The following HPS5 variants were observed in gnomAD, a reference collection of about 807,000 sequenced individuals.
HPS5 encodes HPS5 biogenesis of lysosomal organelles complex 2 subunit 2, also known as BLOC-2 complex member HPS5.
In HPS5, 83 loss-of-function variants were observed where a neutral mutation model predicts 128.0. The observed-to-expected ratio is 0.65, with a 90% CI of 0.54 to 0.78. The LOEUF (loss-of-function observed/expected upper bound fraction) is 0.78, where lower values mean the gene tolerates loss of function less well. HPS5 is among the 30% of genes least tolerant of loss of function. HPS5 has a pLI of 0.00. For synonymous variants in HPS5, 475 were observed against 470.2 expected (o/e 1.01, Z -0.13); for missense variants, 1,281 against 1,326.2 (o/e 0.97, Z 0.53).
Position 18,310,953 on chromosome 11 carries a change from G to A in HPS5, c.285-20C>T, listed in dbSNP as rs1194067530. The A allele has an allele frequency of 6.2e-7, 1 of 1,607,318 alleles. No individual in the cohort carries two copies. The highest frequency in any genetic ancestry group is 1.3e-5 in the African/African-American group (1 of 74,902). On this transcript the variant is annotated intron_variant, in intron 4 of 22. Transcript: ENST00000349215. ...CCTTGACTGCAAGAATTGAGTCACA[G>A]AGGCAAACGTGGCAACAGTGAACAA...
chr11:18,287,053 C>T, intron 18 of HPS5: 1 of 520,238 alleles, frequency 1.9e-6, no homozygotes, highest in Non-Finnish European at 3.4e-6. Flanking sequence ...CTGCATCCAG[C>T]CTGGGCAACA....
chr11:18,292,113 A>G, intron 15 of HPS5, 94 bp from the exon 16 acceptor site: 3 of 907,990 alleles, frequency 3.3e-6, no homozygotes, highest in Non-Finnish European at 3.6e-6. Context: ...CCAATGTAAC[A>G]TACTCATCTG....
intron 15 of HPS5, among the ~76,000 whole-genome samples, chr11:18,292,334 T>A (rs1258932721): frequency 4.0e-5 from 6 of 151,766 alleles, no homozygotes; most frequent in Non-Finnish European, 8.8e-5. Context: ...TAGCTGGGAA[T>A]ACAGGTACAT....
chr11:18,291,983 G>T lies in HPS5; in HGVS notation c.1899C>A (p.Ser633=), dbSNP rs139188094. 6.2e-7 allele frequency: 1 copy of T among 1,613,534 alleles called. No individual in the cohort carries two copies. Among genetic ancestry groups the T allele is most frequent in the East Asian group, 2.2e-5 (1 of 44,866 alleles). Residue 633 remains serine, a synonymous_variant, in exon 16 of 23, where the codon TCC becomes TCA. Transcript: ENST00000349215. ...CCTGTAAAACCATTCTCAGAGACTC[G>T]GATTCAAATAAAACCAGAGGGTCCT... is the stretch of plus-strand genomic sequence containing the variant. ...KLQDPLVLFE[S]ESLRMVLQEW...
At position 18,299,458 on chromosome 11, in the gene HPS5, C is replaced by T. The variant is rs560550829; in HGVS notation, c.986-488G>A. Among the ~76,000 whole-genome samples the T allele has an allele frequency of 3.7e-4, 57 of 152,316 alleles. 1 individual carries two copies. Among genetic ancestry groups the T allele is most frequent in the Middle Eastern group, 3.4e-3 (1 of 294 alleles). ...GGACATACTTAAGAAATTTAAGCCA[C>T]AAGAAAGTCACTGTTGATGAGACCA... On this transcript the variant is annotated intron_variant, in intron 9 of 22. Coordinates refer to ENST00000349215, the MANE Select transcript of HPS5 (RefSeq NM_181507.2).
rs1864450584 is a variant in HPS5 at position 18,322,125 on chromosome 11, GA to G, written c.-230del. On this transcript the variant is annotated 5_prime_UTR_variant, in exon 1 of 23. Transcript: ENST00000349215. The stretch of plus-strand genomic sequence containing the variant: ...TCTTGTCTCCCGGCTTAGCGCCGGG[GA>G]ACTCACCGCGCACTAAGAGCGGAAC... 1 of 152,326 alleles carries G rather than the reference GA, an allele frequency of 6.6e-6. No individual in the cohort carries two copies. Among genetic ancestry groups the G allele is most frequent in the Non-Finnish European group, 1.5e-5 (1 of 68,136 alleles). The allele number at this position is 152,326 out of a possible 1,614,324, so 9.4% of individuals were successfully genotyped here.
At chr11:18,299,291 G>A (rs895041675) in intron 9 of HPS5, among the ~76,000 whole-genome samples, 1 of 152,202 alleles carries the variant, frequency 6.6e-6, no homozygotes, top group Non-Finnish European at 1.5e-5. Flanking sequence ...TATAAGGTTC[G>A]AGTGTTACAA....
chr11:18,299,547 A>G (rs1861464243), intron 9 of HPS5, among the ~76,000 whole-genome samples: 1 of 152,202 alleles, frequency 6.6e-6, no homozygotes, highest in South Asian at 2.1e-4. Context: ...AAAGAACCAA[A>G]AAGTCAACAT....
intron 13 of HPS5, among the ~76,000 whole-genome samples, chr11:18,295,610 T>C (rs1860960230): frequency 6.6e-6 from 1 of 152,218 alleles, no homozygotes; most frequent in South Asian, 2.1e-4. Flanking sequence ...CAAAGTCTTC[T>C]CTCTTAAACT....
Position 18,294,306 on chromosome 11 carries a change from C to T in HPS5, c.1784+714G>A, listed in dbSNP as rs1430316611. On this transcript the variant is annotated intron_variant, in intron 14 of 22. Coordinates refer to ENST00000349215, the MANE Select transcript of HPS5 (RefSeq NM_181507.2). ...CTTTATTAGAGAATAAAGTATTATACTCATGTTACATGAGACAATTAGATA... is the reference window on the plus strand; with the variant it reads ...CTTTATTAGAGAATAAAGTATTATATTCATGTTACATGAGACAATTAGATA... 7.2e-5 allele frequency among the ~76,000 whole-genome samples: 11 copies of T among 152,112 alleles called. 1 individual carries two copies. Among genetic ancestry groups the T allele is most frequent in the Non-Finnish European group, 1.0e-4 (7 of 68,028 alleles).
intron 8 of HPS5, 143 bp downstream of exon 8, chr11:18,305,279 T>C: frequency 1.5e-6 from 1 of 646,322 alleles, no homozygotes; most frequent in Non-Finnish European, 2.8e-6. Flanking sequence ...TACAGAACAC[T>C]TCATGTAACA....
chr11:18,290,006 T>C (rs1226193762), intron 16 of HPS5, among the ~76,000 whole-genome samples: 1 of 152,244 alleles, frequency 6.6e-6, no homozygotes, highest in African/African-American at 2.4e-5. Flanking sequence ...ACAGGTTACA[T>C]TTCCCAGTTT....
chr11:18,291,175 G>A (rs1471175263), intron 16 of HPS5, among the ~76,000 whole-genome samples: 3 of 152,070 alleles, frequency 2.0e-5, no homozygotes, highest in Non-Finnish European at 2.9e-5. Flanking sequence ...CCAAGATGGC[G>A]CCACTGCACT....
intron 18 of HPS5, 25 bp from the exon 19 acceptor site, chr11:18,286,735 T>G: frequency 1.9e-6 from 3 of 1,613,010 alleles, no homozygotes; most frequent in Non-Finnish European, 2.5e-6. Flanking sequence ...GGGAAAAAAG[T>G]CACCAATCTT....
intron 2 of HPS5, among the ~76,000 whole-genome samples, chr11:18,315,567 C>T (rs1434671446): frequency 3.3e-5 from 5 of 151,402 alleles, no homozygotes; most frequent in East Asian, 1.9e-4. Context: ...AAGCCAAGAT[C>T]GTGCCACTGC....
At chr11:18,293,009 A>AC (rs1299268282) in intron 14 of HPS5, 33 bp from the exon 15 acceptor site, 2 of 1,560,792 alleles carry the variant, frequency 1.3e-6, no homozygotes, top group Admixed American at 3.4e-5. Flanking sequence ...AATAACATTC[A>AC]CAAGAGTTAG....
In HPS5 at chr11:18,312,016, G is replaced by T. The variant is rs1043297150; in HGVS notation, c.117C>A (p.Ser39Arg). 6.2e-7 allele frequency: 1 copy of T among 1,612,304 alleles called. No homozygotes were observed. Among genetic ancestry groups the T allele is most frequent in the African/African-American group, 1.3e-5 (1 of 74,968 alleles). ...RLDSSRLKCT[S>R]IAVSRKWLAL... Reference sequence around the variant, plus strand: ...CCAACCATTTCCGAGACACAGCTATGCTCGTGCACTAAAAACATGTGAAGA... The same window carrying T: ...CCAACCATTTCCGAGACACAGCTATTCTCGTGCACTAAAAACATGTGAAGA... Residue 39 changes from serine (S) to arginine (R), a missense_variant, in exon 3 of 23, where the codon AGC becomes AGA. Ser to Arg is a moderately radical substitution (Grantham distance 110, BLOSUM62 -1). Transcript: ENST00000349215.
chr11:18,279,754 G>A lies in HPS5; in HGVS notation c.*128C>T. 1.2e-6 allele frequency: 1 copy of A among 854,754 alleles called. No individual in the cohort carries two copies. The highest frequency in any genetic ancestry group is 2.0e-6 in the Non-Finnish European group (1 of 510,562). The allele number at this position is 854,754 out of a possible 1,614,324, so 52.9% of individuals were successfully genotyped here. A position where few individuals can be genotyped will look rare whatever the true frequency, so the allele number is the denominator to read the frequency against. ...GCCAAGGGTACAGACACTGACAAAAGTAGCCCCAATAAGATGGCAGGATTT... is the reference window on the plus strand; with the variant it reads ...GCCAAGGGTACAGACACTGACAAAAATAGCCCCAATAAGATGGCAGGATTT... On this transcript the variant is annotated 3_prime_UTR_variant, in exon 23 of 23. Transcript: ENST00000349215.
At chr11:18,306,018 C>G in intron 7 of HPS5, 117 bp downstream of exon 7, 2 of 820,260 alleles carry the variant, frequency 2.4e-6, no homozygotes, top group Non-Finnish European at 4.1e-6. Context: ...AGGCGTGTGC[C>G]AACACGCCCA....
Sources: allele counts gnomAD v4.1 joint callset (sites outside exome capture counted in the v4.1 genomes callset), GRCh38; gene constraint gnomAD v4.1.1; transcripts MANE v1.5; gene names NCBI Gene and HGNC (gene_info 2026-07-23, HGNC 2026-07-21).